MSI2: variants seen among roughly 807,000 people sequenced by gnomAD.
MSI2 encodes RNA-binding protein Musashi homolog 2.
In MSI2, 17 loss-of-function variants were observed where a neutral mutation model predicts 45.6. The observed-to-expected ratio is 0.37, with a 90% CI of 0.26 to 0.56. The LOEUF is 0.56. MSI2 is among the 20% of genes least tolerant of loss of function. The pLI is 0.77. For synonymous variants in MSI2, 156 were observed against 158.2 expected, an observed-to-expected ratio of 0.99 and a Z score of 0.11; for missense variants, 293 against 444.2, an observed-to-expected ratio of 0.66 and a Z score of 3.06.
chr17:57,498,781 A>T (rs1386025617), intron 6 of MSI2, among the ~76,000 whole-genome samples: 1 of 151,744 alleles, frequency 6.6e-6, no homozygotes, highest in African/African-American at 2.4e-5. Context: ...CTTTTTTTAA[A>T]TTATACTTTA....
chr17:57,259,795 T>G (rs1907139964), intron 4 of MSI2, among the ~76,000 whole-genome samples: 1 of 152,246 alleles, frequency 6.6e-6, no homozygotes, highest in Non-Finnish European at 1.5e-5. Context: ...TGGGAATTTA[T>G]CATCCACCCC....
chr17:57,345,836 A>AAG (rs3058097), intron 5 of MSI2, among the ~76,000 whole-genome samples: 49 of 151,616 alleles, frequency 3.2e-4, no homozygotes, highest in African/African-American at 1.1e-3. Context: ...AAAAAAAAAA[A>AAG]TTAACTAATG....
Position 57,683,229 on chromosome 17 carries a change from T to C in MSI2, c.*3712T>C. ...GAATGTTACACACATCTTGCTAGAC[T>C]AGTATAAAAATCATTGGGTAATTGT... On this transcript the variant is annotated 3_prime_UTR_variant, in exon 14 of 14. Coordinates refer to ENST00000284073, the MANE Select transcript of MSI2 (RefSeq NM_138962.4). The surrounding 1 kb of genome is among the most constrained non-coding windows in gnomAD (Gnocchi z 5.2). 4.3e-6 allele frequency: 1 copy of C among 230,010 alleles called. No individual in the cohort carries two copies. The highest frequency in any genetic ancestry group is 8.6e-6 in the Non-Finnish European group (1 of 116,026). The allele number at this position is 230,010 out of a possible 1,614,324, so 14.2% of individuals were successfully genotyped here.
intron 7 of MSI2, among the ~76,000 whole-genome samples, chr17:57,534,811 C>T (rs1212576077): frequency 1.3e-5 from 2 of 152,208 alleles, no homozygotes; most frequent in African/African-American, 4.8e-5. Context: ...CCAGGGGGAG[C>T]GGAGAATGGT....
At chr17:57,519,620 C>T (rs2086543203) in intron 6 of MSI2, among the ~76,000 whole-genome samples, 2 of 152,140 alleles carry the variant, frequency 1.3e-5, no homozygotes, top group Admixed American at 1.3e-4. Context: ...CCTCCTCTCC[C>T]GAGCCTACCG....
At chr17:57,465,787 A>G (rs1213570795) in intron 6 of MSI2, among the ~76,000 whole-genome samples, 1 of 152,082 alleles carries the variant, frequency 6.6e-6, no homozygotes, top group Non-Finnish European at 1.5e-5. Flanking sequence ...CAGAAACCCA[A>G]ACTCTACTTG....
chr17:57,403,933 G>GCGCA (rs2084037658), intron 6 of MSI2, among the ~76,000 whole-genome samples: 2 of 149,082 alleles, frequency 1.3e-5, no homozygotes, highest in Admixed American at 6.7e-5. Context: ...GAATGAATGT[G>GCGCA]CACACACACA....
intron 6 of MSI2, among the ~76,000 whole-genome samples, chr17:57,494,602 G>A (rs7214048): frequency 2.0e-5 from 3 of 152,150 alleles, no homozygotes; most frequent in African/African-American, 4.8e-5. Context: ...TTTGAGCACC[G>A]CTGTTGTGCT....
intron 10 of MSI2, among the ~76,000 whole-genome samples, chr17:57,647,801 C>G (rs934204937): frequency 4.0e-5 from 6 of 151,376 alleles, no homozygotes; most frequent in Non-Finnish European, 8.8e-5. Context: ...GCCACCACAC[C>G]CAGCTAATTT....
intron 10 of MSI2, among the ~76,000 whole-genome samples, chr17:57,643,146 C>G (rs7225062): frequency 0.46 from 69,907 of 151,934 alleles, 16,681 homozygotes; most frequent in African/African-American, 0.53. Context: ...GGATTTCTGG[C>G]TGCAGCCCAG....
chr17:57,422,548 G>C (rs11654639), intron 6 of MSI2, among the ~76,000 whole-genome samples: 2 of 152,144 alleles, frequency 1.3e-5, no homozygotes, highest in Admixed American at 1.3e-4. Flanking sequence ...ATGAGGGTCC[G>C]GGACAGGAAA....
At chr17:57,272,837 A>C (rs1908496501) in intron 5 of MSI2, among the ~76,000 whole-genome samples, 1 of 152,210 alleles carries the variant, frequency 6.6e-6, no homozygotes, top group South Asian at 2.1e-4. Flanking sequence ...GCGACATCTT[A>C]AGAAAAATAG....
intron 10 of MSI2, among the ~76,000 whole-genome samples, chr17:57,644,278 A>C (rs1033344325): frequency 7.3e-6 from 1 of 137,856 alleles, no homozygotes; most frequent in African/African-American, 2.8e-5. Flanking sequence ...TGACAGTCTG[A>C]TCATGTAAGT....
chr17:57,377,337 C>T (rs73325490), intron 5 of MSI2, among the ~76,000 whole-genome samples: 1 of 152,362 alleles, frequency 6.6e-6, no homozygotes, highest in African/African-American at 2.4e-5. Context: ...ATCAGGGCAT[C>T]CACTTCTTTC....
intron 7 of MSI2, among the ~76,000 whole-genome samples, chr17:57,576,753 T>TAA (rs569924345): frequency 0.017 from 2,131 of 128,674 alleles, 54 homozygotes; most frequent in African/African-American, 0.058. Flanking sequence ...AATCTGTCTT[T>TAA]AAAAAAAAAA....
chr17:57,597,940 C>T (rs1860164016), intron 8 of MSI2, among the ~76,000 whole-genome samples: 2 of 151,878 alleles, frequency 1.3e-5, no homozygotes, highest in Admixed American at 1.3e-4. Flanking sequence ...ACAGCAGCCT[C>T]AAGAGGAAGG....
At chr17:57,494,539 A>G (rs116690975) in intron 6 of MSI2, among the ~76,000 whole-genome samples, 1,702 of 152,266 alleles carry the variant, frequency 0.011, 30 homozygotes, top group African/African-American at 0.039. Context: ...AGCAGTGAAA[A>G]TTGCATCTTT....
At chr17:57,405,425 C>T (rs1598224409) in intron 6 of MSI2, among the ~76,000 whole-genome samples, 1 of 152,112 alleles carries the variant, frequency 6.6e-6, no homozygotes, top group African/African-American at 2.4e-5. Flanking sequence ...TGAATTATTC[C>T]TGAGGTTAGT....
intron 10 of MSI2, among the ~76,000 whole-genome samples, chr17:57,634,169 G>A (rs1415892600): frequency 1.3e-5 from 2 of 152,184 alleles, no homozygotes; most frequent in Non-Finnish European, 2.9e-5. Context: ...CTTCACTAGA[G>A]AGAGGGAAGC....
Sources: gnomAD v4.1 joint callset for allele counts (sites outside exome capture counted in the v4.1 genomes callset) on GRCh38, gnomAD v4.1.1 for gene constraint, Gnocchi (gnomAD v3.1) non-coding constraint, MANE v1.5 for transcripts, NCBI Gene and HGNC (gene_info 2026-07-23, HGNC 2026-07-21) for gene names.